Variants in DCT observed in about 807,000 individuals in gnomAD.
DCT encodes L-dopachrome tautomerase.
Under a neutral mutation model 53.0 loss-of-function variants are expected in DCT, and 47 were observed. The ratio of observed to expected loss-of-function variants is 0.89; its 90% CI spans 0.70 to 1.13. The LOEUF is 1.13. Ranked by LOEUF, DCT falls within the 50% of genes most tolerant of loss-of-function variation. The pLI, the probability that DCT is intolerant of heterozygous loss-of-function variation, is 0.00. For synonymous variants in DCT, 244 were observed against 237.0 expected, an observed-to-expected ratio of 1.03 and a Z score of -0.27; for missense variants, 669 against 637.4, an observed-to-expected ratio of 1.05 and a Z score of -0.53.
intron 3 of DCT, among the ~76,000 whole-genome samples, chr13:94,466,100 A>G (rs1884203554): frequency 6.8e-6 from 1 of 147,912 alleles, no homozygotes; most frequent in African/African-American, 2.5e-5. Context: ...AATCTAGAAG[A>G]CATTGTGCCA....
the DCT span, among the ~76,000 whole-genome samples, chr13:94,534,611 G>C: frequency 1.3e-5 from 2 of 152,238 alleles, no homozygotes; most frequent in Non-Finnish European, 2.9e-5. Context: ...GCTTTCAGTG[G>C]ACCCTGATCA....
rs762895555 is a variant in DCT at position 94,468,785 on chromosome 13, CA to C, written c.555del (p.Phe185LeufsTer14). 6 of 1,614,024 alleles carry C rather than the reference CA, an allele frequency of 3.7e-6. No homozygotes were observed. The highest frequency in any genetic ancestry group is 2.7e-5 in the African/African-American group (2 of 74,902). ...QFANCSVYDF[F>X]VWLHYYSVRD... ...CTAACAGAATAATAATGGAGCCACA[CA>C]AAAAAATCATAAACACTGCAGTTGG... On this transcript the variant is annotated frameshift_variant, in exon 2 of 8. Coordinates refer to ENST00000377028, the MANE Select transcript of DCT (RefSeq NM_001922.5). LOFTEE classifies it high-confidence loss of function.
chr13:94,456,121 G>T (rs186963382), intron 6 of DCT, among the ~76,000 whole-genome samples: 2 of 152,196 alleles, frequency 1.3e-5, no homozygotes, highest in Admixed American at 1.3e-4. Flanking sequence ...TCGCTGTGGC[G>T]GCGTCACAGA....
intron 1 of DCT, among the ~76,000 whole-genome samples, chr13:94,469,247 C>T (rs1884458351): frequency 6.6e-6 from 1 of 152,190 alleles, no homozygotes. Context: ...TTCCTAGACA[C>T]ATTCCCAGCA....
the DCT span, among the ~76,000 whole-genome samples, chr13:94,486,939 G>T: frequency 6.6e-6 from 1 of 152,112 alleles, no homozygotes; most frequent in Non-Finnish European, 1.5e-5. Flanking sequence ...TAAGTGCAAA[G>T]GTAACAAACA....
chr13:94,458,313 A>G (rs188596920), intron 6 of DCT, among the ~76,000 whole-genome samples: 274 of 152,142 alleles, frequency 1.8e-3, no homozygotes, highest in African/African-American at 6.4e-3. Context: ...GTCTTTTCCA[A>G]CACCCACTGG....
intron 1 of DCT, among the ~76,000 whole-genome samples, chr13:94,473,253 C>T (rs1884869283): frequency 6.6e-6 from 1 of 152,092 alleles, no homozygotes; most frequent in Middle Eastern, 3.2e-3. Flanking sequence ...TGGTTTTCAC[C>T]TTCAGTACAG....
the DCT span, among the ~76,000 whole-genome samples, chr13:94,486,905 AAC>A: frequency 2.1e-4 from 32 of 152,116 alleles, no homozygotes; most frequent in African/African-American, 7.2e-4. Flanking sequence ...AAATAAGACA[AAC>A]ACACACACAC....
chr13:94,487,723 C>A, the DCT span, among the ~76,000 whole-genome samples: 1 of 152,240 alleles, frequency 6.6e-6, no homozygotes, highest in East Asian at 1.9e-4. Context: ...GTTTTTTAGC[C>A]CCCTGCTCAC....
chr13:94,447,955 T>C (rs1287201045), intron 6 of DCT, among the ~76,000 whole-genome samples: 3 of 152,128 alleles, frequency 2.0e-5, no homozygotes, highest in African/African-American at 7.2e-5. Context: ...ATACAATAAA[T>C]GCTCTAGTAA....
the DCT span, among the ~76,000 whole-genome samples, chr13:94,520,206 A>G: frequency 6.6e-6 from 1 of 152,224 alleles, no homozygotes; most frequent in Non-Finnish European, 1.5e-5. Flanking sequence ...GCAGGAATAA[A>G]AGGAAAAGAC....
chr13:94,507,752 G>A, the DCT span, among the ~76,000 whole-genome samples: 6 of 152,054 alleles, frequency 3.9e-5, no homozygotes, highest in African/African-American at 4.8e-5. Flanking sequence ...CACCTGCCTC[G>A]GCCTCCCAAA....
At chr13:94,442,152 C>T (rs532282681) in intron 7 of DCT, among the ~76,000 whole-genome samples, 7 of 152,232 alleles carry the variant, frequency 4.6e-5, no homozygotes, top group South Asian at 2.1e-4. Flanking sequence ...TCTGCCCAAG[C>T]GTCCCACTAC....
chr13:94,507,738 G>T, the DCT span, among the ~76,000 whole-genome samples: 1 of 152,110 alleles, frequency 6.6e-6, no homozygotes, highest in African/African-American at 2.4e-5. Context: ...CTGACCTCGT[G>T]ATCCACCTGC....
At chr13:94,456,646 C>T (rs1883430558) in intron 6 of DCT, among the ~76,000 whole-genome samples, 3 of 152,084 alleles carry the variant, frequency 2.0e-5, no homozygotes, top group African/African-American at 7.2e-5. Flanking sequence ...TCCTATTGTC[C>T]TAATCTACTA....
At chr13:94,451,768 A>G (rs1050953278) in intron 6 of DCT, among the ~76,000 whole-genome samples, 2 of 152,188 alleles carry the variant, frequency 1.3e-5, no homozygotes, top group Non-Finnish European at 2.9e-5. Context: ...TTCATTTTCC[A>G]TAAACTAATA....
Position 94,460,074 on chromosome 13 carries a change from T to C in DCT, c.1179+17A>G. The stretch of plus-strand genomic sequence containing the variant: ...TTATCTAGAAAATTTTCATGCATTC[T>C]GAATCTTTGAACATACCACAAAAAT... On this transcript the variant is annotated intron_variant, in intron 6 of 7. Transcript: ENST00000377028. The C allele has an allele frequency of 6.2e-7, 1 of 1,611,198 alleles. No homozygotes were observed. The highest frequency in any genetic ancestry group is 1.1e-5 in the South Asian group (1 of 90,228).
chr13:94,508,837 T>A, the DCT span, among the ~76,000 whole-genome samples: 9,439 of 152,248 alleles, frequency 0.062, 803 homozygotes, highest in African/African-American at 0.19. Flanking sequence ...CTTGGTCCCA[T>A]GAGTGCTACA....
chr13:94,476,699 C>T (rs1885112450), intron 1 of DCT, among the ~76,000 whole-genome samples: 1 of 152,114 alleles, frequency 6.6e-6, no homozygotes, highest in African/African-American at 2.4e-5. Flanking sequence ...TGGTGTTGAA[C>T]TCCTGACCCG....
Sources: allele counts gnomAD v4.1 joint callset (sites outside exome capture counted in the v4.1 genomes callset), GRCh38; gene constraint gnomAD v4.1.1; transcripts MANE v1.5; gene names NCBI Gene and HGNC (gene_info 2026-07-23, HGNC 2026-07-21).